UHRF1: variants seen among roughly 807,000 people sequenced by gnomAD.
UHRF1 encodes the protein E3 ubiquitin-protein ligase UHRF1.
A neutral mutation model predicts 96.5 loss-of-function variants in UHRF1; 9 were observed. That is an observed-to-expected ratio of 0.09 (90% CI 0.06 to 0.16). The LOEUF (loss-of-function observed/expected upper bound fraction) is 0.16, where lower values mean the gene tolerates loss of function less well. UHRF1 is among the 10% of genes least tolerant of loss of function. UHRF1 has a pLI of 1.00. For synonymous variants in UHRF1, 455 were observed against 469.9 expected (o/e 0.97, Z 0.41); for missense variants, 626 against 1,131.1 (o/e 0.55, Z 6.40).
intron 16 of UHRF1, 56 bp from the exon 17 acceptor site, chr19:4,960,601 A>G: frequency 6.3e-7 from 1 of 1,590,718 alleles, no homozygotes; most frequent in Admixed American, 1.8e-5. Flanking sequence ...AGAGGTGGCC[A>G]GGAGCAAACC....
intron 2 of UHRF1, among the ~76,000 whole-genome samples, chr19:4,919,971 CCA>C (rs915588369): frequency 5.9e-4 from 90 of 152,154 alleles, no homozygotes; most frequent in African/African-American, 2.0e-3. Context: ...GCACCCACCA[CCA>C]CGCCTGGCTA....
chr19:4,947,221 A>G lies in UHRF1; in HGVS notation c.1517+10A>G, dbSNP rs1238412635. On this transcript the variant is annotated intron_variant, in intron 11 of 16. Coordinates refer to ENST00000650932, the MANE Select transcript of UHRF1 (RefSeq NM_001048201.3). ...TCACCAACACCAACAGGTTTGTGGA[A>G]TCAGCCTTCTTATTTCCTTGCTGAT... is the stretch of plus-strand genomic sequence containing the variant. The G allele has an allele frequency of 6.2e-7, 1 of 1,612,528 alleles. No homozygotes were observed. Among genetic ancestry groups the G allele is most frequent in the Non-Finnish European group, 8.5e-7 (1 of 1,178,700 alleles).
intron 2 of UHRF1, among the ~76,000 whole-genome samples, chr19:4,922,946 A>G (rs2656921): frequency 0.89 from 135,627 of 152,272 alleles, 60,721 homozygotes; most frequent in East Asian, 1. Flanking sequence ...TGGAGGGGCG[A>G]CCCGTCAGGC....
chr19:4,923,395 G>A (rs1295428713), intron 2 of UHRF1, among the ~76,000 whole-genome samples: 1 of 151,722 alleles, frequency 6.6e-6, no homozygotes, highest in East Asian at 2.0e-4. Flanking sequence ...CTGCACCTCC[G>A]ACCTGTCCTC....
chr19:4,936,969 G>A (rs1157160437), intron 5 of UHRF1, among the ~76,000 whole-genome samples: 1 of 151,824 alleles, frequency 6.6e-6, no homozygotes, highest in Non-Finnish European at 1.5e-5. Flanking sequence ...AATCCTTCTC[G>A]TTACCCCTTT....
Position 4,954,923 on chromosome 19 carries a change from G to A in UHRF1, c.2130+101G>A. The A allele has an allele frequency of 1.4e-6, 2 of 1,404,846 alleles. No homozygotes were observed. Among genetic ancestry groups the A allele is most frequent in the South Asian group, 2.6e-5 (2 of 76,748 alleles). The allele number at this position is 1,404,846 out of a possible 1,614,324, so 87.0% of individuals were successfully genotyped here. On this transcript the variant is annotated intron_variant, in intron 15 of 16. Transcript: ENST00000650932. This position sits in a 1 kb window ranked among gnomAD's most constrained non-coding sequence, Gnocchi z 5.9. Reference sequence around the variant, plus strand: ...TCCCCATTTTCAAGTGTACAGCTCAGTCGCACTGAGTACATTCTTGTGGTT... The same window carrying A: ...TCCCCATTTTCAAGTGTACAGCTCAATCGCACTGAGTACATTCTTGTGGTT...
At chr19:4,922,305 G>C (rs1010278005) in intron 2 of UHRF1, among the ~76,000 whole-genome samples, 2 of 151,994 alleles carry the variant, frequency 1.3e-5, no homozygotes, top group Non-Finnish European at 2.9e-5. Flanking sequence ...TTGCTCTGTT[G>C]CCCGGACTGG....
chr19:4,927,380 CA>C (rs35783129), intron 2 of UHRF1, among the ~76,000 whole-genome samples: 23,703 of 82,572 alleles, frequency 0.29, 1,269 homozygotes, highest in African/African-American at 0.33. Flanking sequence ...GACTCCATCT[CA>C]AAAAAAAAAA....
At chr19:4,917,857 A>G (rs550042873) in intron 2 of UHRF1, among the ~76,000 whole-genome samples, 4 of 151,770 alleles carry the variant, frequency 2.6e-5, no homozygotes, top group Non-Finnish European at 5.9e-5. Flanking sequence ...ACTTTTTTGC[A>G]GAGACAGGGT....
chr19:4,942,013 G>T, intron 7 of UHRF1, 82 bp downstream of exon 7: 1 of 1,373,288 alleles, frequency 7.3e-7, no homozygotes, highest in Non-Finnish European at 9.5e-7. Context: ...ATACAGGAGA[G>T]GGGCAGGCGC....
At chr19:4,958,301 C>T (rs1487470462) in intron 16 of UHRF1, among the ~76,000 whole-genome samples, 1 of 152,216 alleles carries the variant, frequency 6.6e-6, no homozygotes, top group African/African-American at 2.4e-5. Flanking sequence ...TCCCTCCAAG[C>T]CTCAGTTGGC....
chr19:4,922,858 T>C (rs1461129303), intron 2 of UHRF1, among the ~76,000 whole-genome samples: 1 of 152,222 alleles, frequency 6.6e-6, no homozygotes, highest in Non-Finnish European at 1.5e-5. Context: ...AGACACTTCC[T>C]GTCCCTCCTA....
intron 16 of UHRF1, among the ~76,000 whole-genome samples, chr19:4,958,478 A>C (rs1445365721): frequency 6.6e-6 from 1 of 152,316 alleles, no homozygotes; most frequent in South Asian, 2.1e-4. Context: ...GGCGGTAGGA[A>C]GGACTGTGGG....
At chr19:4,936,729 C>T (rs1322942273) in intron 5 of UHRF1, among the ~76,000 whole-genome samples, 1 of 151,342 alleles carries the variant, frequency 6.6e-6, no homozygotes, top group East Asian at 1.9e-4. Context: ...ATCGCTTGAG[C>T]CTGGGAGGTT....
chr19:4,922,785 C>T (rs1178952442), intron 2 of UHRF1, among the ~76,000 whole-genome samples: 1 of 152,218 alleles, frequency 6.6e-6, no homozygotes, highest in African/African-American at 2.4e-5. Context: ...TTTGTGCCAG[C>T]CTGGGCCAGG....
rs905974342 is a variant in UHRF1 at position 4,954,247 on chromosome 19, G to A, written c.1819-103G>A. On this transcript the variant is annotated intron_variant, in intron 13 of 16. Transcript: ENST00000650932. This position sits in a 1 kb window ranked among gnomAD's most constrained non-coding sequence, Gnocchi z 5.9. The stretch of plus-strand genomic sequence containing the variant: ...GCTCTTCAGGGGGATTGGGGGTCAG[G>A]TGTGTCTGGAAACCCAGACCTGGCA... 5 of 1,518,094 alleles carry A rather than the reference G, an allele frequency of 3.3e-6. No homozygotes were observed. The highest frequency in any genetic ancestry group is 4.5e-6 in the Non-Finnish European group (5 of 1,123,464). The allele number at this position is 1,518,094 out of a possible 1,614,324, so 94.0% of individuals were successfully genotyped here. A position where few individuals can be genotyped will look rare whatever the true frequency, so the allele number is the denominator to read the frequency against.
At chr19:4,918,310 C>T (rs1438315163) in intron 2 of UHRF1, among the ~76,000 whole-genome samples, 4 of 151,748 alleles carry the variant, frequency 2.6e-5, no homozygotes, top group South Asian at 2.1e-4. Context: ...TTAGTAGAGA[C>T]GGGGTTTCAC....
rs543211526 is a variant in UHRF1 at position 4,913,342 on chromosome 19, C to T, written c.153+2304C>T. ...GATCTGGGCTCACTGCAACCTTCAT[C>T]TCCCAAGTTCAAGCGATCCTCCTGC... is the stretch of plus-strand genomic sequence containing the variant. On this transcript the variant is annotated intron_variant, in intron 2 of 16. Transcript: ENST00000650932. 7.5e-5 allele frequency among the ~76,000 whole-genome samples: 11 copies of T among 147,234 alleles called. No homozygotes were observed. The East Asian group carries it at 1.4e-3, about 19-fold the overall frequency.
intron 11 of UHRF1, among the ~76,000 whole-genome samples, chr19:4,949,432 G>A (rs1035482688): frequency 7.9e-5 from 12 of 151,468 alleles, no homozygotes; most frequent in African/African-American, 2.9e-4. Context: ...AATGTAAGAT[G>A]TAATGTTTTT....
Sources: gnomAD v4.1 joint callset for allele counts (sites outside exome capture counted in the v4.1 genomes callset) on GRCh38, gnomAD v4.1.1 for gene constraint, Gnocchi (gnomAD v3.1) non-coding constraint, MANE v1.5 for transcripts, NCBI Gene and HGNC (gene_info 2026-07-23, HGNC 2026-07-21) for gene names.